Variants in AP1M1 observed in about 807,000 individuals in gnomAD.
AP1M1 encodes the protein AP-1 complex subunit mu-1.
In AP1M1, 18 loss-of-function variants were observed where a neutral mutation model predicts 57.1. That is an observed-to-expected ratio of 0.32 (90% CI 0.22 to 0.47). The LOEUF is 0.47. Ranked by LOEUF, AP1M1 falls within the 20% of genes least tolerant of loss-of-function variation. AP1M1 has a pLI of 1.00. For synonymous variants in AP1M1, 241 were observed against 237.9 expected (o/e 1.01, Z -0.12); for missense variants, 362 against 593.5 (o/e 0.61, Z 4.05).
intron 5 of AP1M1, among the ~76,000 whole-genome samples, chr19:16,222,124 A>G (rs2091547114): frequency 6.6e-6 from 1 of 151,788 alleles, no homozygotes; most frequent in Non-Finnish European, 1.5e-5. Flanking sequence ...GATAATTTAC[A>G]TTGAACTGCC....
chr19:16,216,576 C>A (rs2091520121), intron 5 of AP1M1, among the ~76,000 whole-genome samples: 1 of 152,168 alleles, frequency 6.6e-6, no homozygotes, highest in African/African-American at 2.4e-5. Flanking sequence ...TTCCTTTAGT[C>A]TTTGAAGTTG....
At chr19:16,211,465 T>C (rs1388902445) in intron 5 of AP1M1, among the ~76,000 whole-genome samples, 1 of 152,198 alleles carries the variant, frequency 6.6e-6, no homozygotes, top group Non-Finnish European at 1.5e-5. Flanking sequence ...GGGGGAACGC[T>C]TTCAGCTTTT....
chr19:16,215,513 C>T (rs2091515934), intron 5 of AP1M1, among the ~76,000 whole-genome samples: 1 of 146,682 alleles, frequency 6.8e-6, no homozygotes, highest in African/African-American at 2.5e-5. Flanking sequence ...TATAGGCCTC[C>T]AATCTCTTCT....
intron 5 of AP1M1, among the ~76,000 whole-genome samples, chr19:16,210,847 A>G (rs1399298222): frequency 1.3e-5 from 2 of 152,184 alleles, no homozygotes; most frequent in African/African-American, 4.8e-5. Flanking sequence ...GGTGTGAGCT[A>G]CCACGCCTGG....
intron 6 of AP1M1, 50 bp downstream of exon 6, chr19:16,226,597 A>C: frequency 2.6e-6 from 4 of 1,538,576 alleles, no homozygotes; most frequent in Non-Finnish European, 3.5e-6. Flanking sequence ...CTCACCAGGC[A>C]CACACATTAC....
intron 1 of AP1M1, among the ~76,000 whole-genome samples, chr19:16,201,433 C>T (rs1362309148): frequency 9.9e-6 from 1 of 100,780 alleles, no homozygotes; most frequent in Non-Finnish European, 1.8e-5. Flanking sequence ...GAGTTACGTT[C>T]TGTCAGCCAA....
intron 4 of AP1M1, 148 bp downstream of exon 4, chr19:16,208,297 GT>G: frequency 1.2e-6 from 1 of 848,074 alleles, no homozygotes; most frequent in Non-Finnish European, 1.7e-6. Flanking sequence ...TTTTTACTAA[GT>G]TGCTCTTAGT....
rs199959764 is a variant in AP1M1, at chr19:16,227,610, C to T, written c.736C>T (p.Arg246Cys). The change falls in exon 7 of 12, where the codon CGC (arginine) becomes TGC (cysteine). Residue 246 changes from arginine (R) to cysteine (C), a missense_variant. Arg to Cys is a radical substitution (Grantham distance 180). This residue lies in a region of AP1M1 where 337 missense variants were observed against 511.1 expected (regional missense o/e 0.66). Coordinates refer to ENST00000291439, the MANE Select transcript of AP1M1 (RefSeq NM_032493.4). The surrounding 1 kb of genome is among the most constrained non-coding windows in gnomAD (Gnocchi z 6.2). ...VKFHQCVRLS[R>C]FENDRTISFI... ...GTTCCACCAGTGTGTGCGGCTATCACGCTTCGAGAATGACCGCACCATCTC... is the reference window on the plus strand; with the variant it reads ...GTTCCACCAGTGTGTGCGGCTATCATGCTTCGAGAATGACCGCACCATCTC... The T allele has an allele frequency of 1.2e-6, 2 of 1,614,084 alleles. No homozygotes were observed. Among genetic ancestry groups the T allele is most frequent in the Non-Finnish European group, 1.7e-6 (2 of 1,179,962 alleles).
Position 16,207,980 on chromosome 19 carries a change from T to C in AP1M1, c.268-39T>C. ...CATTCCTCATCCGTCCGCTCAATGA[T>C]CTGCCTCCCATTCCTCCCTCCCTCC... On this transcript the variant is annotated intron_variant, in intron 3 of 11. Transcript: ENST00000291439. The surrounding 1 kb of genome is among the most constrained non-coding windows in gnomAD (Gnocchi z 4.2). 1 of 1,592,870 alleles carries C rather than the reference T, an allele frequency of 6.3e-7. No individual in the cohort carries two copies. Among genetic ancestry groups the C allele is most frequent in the East Asian group, 2.2e-5 (1 of 44,784 alleles).
rs970062930 is a variant in AP1M1 at position 16,239,364 on chromosome 19, G to A, written c.*4929G>A. The A allele has an allele frequency of 2.1e-5, 3 of 144,642 alleles. No homozygotes were observed. The highest frequency in any genetic ancestry group is 7.4e-5 in the Admixed American group (1 of 13,580). 9.0% of individuals were successfully genotyped at this position (144,642 alleles called of 1,614,324 possible). Reference sequence around the variant, plus strand: ...AGGCTAGAGGATTACTTGAGCCCAGGAGTTTAAGGACAGCCTGGGCAACAT... The same window carrying A: ...AGGCTAGAGGATTACTTGAGCCCAGAAGTTTAAGGACAGCCTGGGCAACAT... On this transcript the variant is annotated 3_prime_UTR_variant, in exon 12 of 12. Transcript: ENST00000291439.
At chr19:16,223,001 G>A (rs1322777623) in intron 5 of AP1M1, among the ~76,000 whole-genome samples, 1 of 152,182 alleles carries the variant, frequency 6.6e-6, no homozygotes, top group Non-Finnish European at 1.5e-5. Context: ...TTCCAGGCAA[G>A]TTGACATTTT....
chr19:16,227,518 G>C lies in AP1M1; in HGVS notation c.674-30G>C. 4 of 1,606,122 alleles carry C rather than the reference G, an allele frequency of 2.5e-6. No individual in the cohort carries two copies. Among genetic ancestry groups the C allele is most frequent in the Non-Finnish European group, 2.6e-6 (3 of 1,173,514 alleles). ...CTGAGATAGTGACCCGGAGGGCCCA[G>C]ATCTGTCCTACCCTCACCCCTGACC... is the stretch of plus-strand genomic sequence containing the variant. On this transcript the variant is annotated intron_variant, in intron 6 of 11. Coordinates refer to ENST00000291439, the MANE Select transcript of AP1M1 (RefSeq NM_032493.4). This position sits in a 1 kb window ranked among gnomAD's most constrained non-coding sequence, Gnocchi z 6.2.
At position 16,240,037 on chromosome 19, in the gene AP1M1, T is replaced by TAAA; in HGVS notation, c.*5603_*5604insAAA. The TAAA allele has an allele frequency of 6.6e-6, 1 of 152,220 alleles. No individual in the cohort carries two copies. The highest frequency in any genetic ancestry group is 1.9e-4 in the East Asian group (1 of 5,208). 9.4% of individuals were successfully genotyped at this position (152,220 alleles called of 1,614,324 possible). On this transcript the variant is annotated 3_prime_UTR_variant, in exon 12 of 12. Coordinates refer to ENST00000291439, the MANE Select transcript of AP1M1 (RefSeq NM_032493.4). ...CTGGACATGTACAGGTTTTCTTTTT[T>TAAA]ATTGTCATTATTCCTTAAATAATAC... is the stretch of plus-strand genomic sequence containing the variant.
chr19:16,231,727 A>G (rs1323890508), intron 9 of AP1M1, among the ~76,000 whole-genome samples: 1 of 152,202 alleles, frequency 6.6e-6, no homozygotes, highest in Non-Finnish European at 1.5e-5. Flanking sequence ...TATTGTGAAT[A>G]ATGCTGCTGT....
rs2091662229 is a variant in AP1M1 at position 16,245,665 on chromosome 19, T to C, written c.*11230T>C. ...AAATTCAGTTTGACAAAATGACTTT[T>C]AGCTGGAGCATTAAGTCCCTTTACA... On this transcript the variant is annotated 3_prime_UTR_variant, in exon 12 of 12. Coordinates refer to ENST00000291439, the MANE Select transcript of AP1M1 (RefSeq NM_032493.4). 6.6e-6 allele frequency: 1 copy of C among 152,226 alleles called. No individual in the cohort carries two copies. Among genetic ancestry groups the C allele is most frequent in the African/African-American group, 2.4e-5 (1 of 41,472 alleles). The allele number at this position is 152,226 out of a possible 1,614,324, so 9.4% of individuals were successfully genotyped here.
intron 5 of AP1M1, among the ~76,000 whole-genome samples, chr19:16,218,116 T>C (rs1161458367): frequency 6.6e-6 from 1 of 152,248 alleles, no homozygotes; most frequent in Non-Finnish European, 1.5e-5. Flanking sequence ...AAAGTCAGTA[T>C]AAATGTGACT....
chr19:16,206,369 C>T lies in AP1M1; in HGVS notation c.228C>T (p.Cys76=), dbSNP rs755026389. Residue 76 remains cysteine (C), a synonymous_variant, in exon 3 of 12, where the codon TGC becomes TGT. Transcript: ENST00000291439. The surrounding 1 kb of genome is among the most constrained non-coding windows in gnomAD (Gnocchi z 4.3). ...YLVATSKKNA[C]VSLVFSFLYK... is the part of the protein sequence containing the mutation. The stretch of plus-strand genomic sequence containing the variant: ...TTGCCACATCCAAGAAGAACGCGTG[C>T]GTGTCGCTGGTCTTTTCTTTCCTCT... 82 of 1,614,116 alleles carry T rather than the reference C, an allele frequency of 5.1e-5. No homozygotes were observed. The South Asian group carries it at 6.1e-4, about 12-fold the overall frequency.
rs369291896 is a variant in AP1M1, at chr19:16,203,431, C to T, written c.43-28C>T. 2.5e-6 allele frequency: 4 copies of T among 1,613,796 alleles called. No individual in the cohort carries two copies. The African/African-American group carries it at 5.3e-5, about 22-fold the overall frequency. ...CAGATTGTAGAACTGAAAATGCAAG[C>T]ATCTTTTCTCTTCCTTCCCCACCCC... On this transcript the variant is annotated intron_variant, in intron 1 of 11. Transcript: ENST00000291439. This position sits in a 1 kb window ranked among gnomAD's most constrained non-coding sequence, Gnocchi z 4.6.
intron 5 of AP1M1, among the ~76,000 whole-genome samples, chr19:16,215,897 G>C (rs1043181642): frequency 1.3e-5 from 2 of 152,026 alleles, no homozygotes; most frequent in East Asian, 1.9e-4. Context: ...TCATCTGACT[G>C]TCTTATTTCA....
Sources: allele counts gnomAD v4.1 joint callset (sites outside exome capture counted in the v4.1 genomes callset), GRCh38; gene constraint gnomAD v4.1.1; regional missense constraint gnomAD v4.1.1; non-coding constraint Gnocchi (gnomAD v3.1); transcripts MANE v1.5; gene names NCBI Gene and HGNC (gene_info 2026-07-23, HGNC 2026-07-21).